The following STK31 variants were observed in gnomAD, a reference collection of about 807,000 sequenced individuals.
STK31 encodes the protein serine/threonine-protein kinase 31.
In STK31, 89 loss-of-function variants were observed where a neutral mutation model predicts 129.7. The observed-to-expected ratio is 0.69, with a 90% confidence interval of 0.58 to 0.82. The LOEUF (loss-of-function observed/expected upper bound fraction) is 0.82. STK31 is among the 40% of genes least tolerant of loss of function. STK31 has a pLI of 0.00. For synonymous variants in STK31, 448 were observed against 395.3 expected, an observed-to-expected ratio of 1.13 and a Z score of -1.58; for missense variants, 1,187 against 1,176.4, an observed-to-expected ratio of 1.01 and a Z score of -0.13.
intron 7 of STK31, 38 bp from the exon 8 acceptor site, chr7:23,736,864 TAC>T (rs763219375): frequency 6.4e-7 from 1 of 1,550,884 alleles, no homozygotes. Flanking sequence ...GTCAGCCTTA[TAC>T]AGTTTGTTTG....
At chr7:23,825,367 T>A (rs750286041) in intron 23 of STK31, among the ~76,000 whole-genome samples, 10 of 152,258 alleles carry the variant, frequency 6.6e-5, no homozygotes, top group Non-Finnish European at 8.8e-5. Flanking sequence ...TTCTTCTAGA[T>A]TTTCTAGTTT....
rs182655675 is a variant in STK31 at position 23,737,770 on chromosome 7, G to A, written c.1017+692G>A. Among the ~76,000 whole-genome samples the A allele has an allele frequency of 3.4e-3, 521 of 152,120 alleles. 5 individuals carry two copies. The highest frequency in any genetic ancestry group is 0.011 in the African/African-American group (460 of 41,502). ...GCTTAACTGGATTCTTGATCTCCACGTGTGTCTTCTTTTATGGTAATCACG... is the reference window on the plus strand; with the variant it reads ...GCTTAACTGGATTCTTGATCTCCACATGTGTCTTCTTTTATGGTAATCACG... On this transcript the variant is annotated intron_variant, in intron 8 of 23. Coordinates refer to ENST00000355870, the MANE Select transcript of STK31 (RefSeq NM_031414.5).
chr7:23,757,479 A>G (rs1428524723), intron 10 of STK31, among the ~76,000 whole-genome samples: 1 of 152,110 alleles, frequency 6.6e-6, no homozygotes, highest in Non-Finnish European at 1.5e-5. Context: ...AAACATGTGA[A>G]CAAATGTCTC....
intron 15 of STK31, among the ~76,000 whole-genome samples, chr7:23,778,228 T>C (rs982530618): frequency 1.3e-5 from 2 of 152,212 alleles, no homozygotes; most frequent in Non-Finnish European, 2.9e-5. Flanking sequence ...TGGGCTTCCC[T>C]TTGTGAGTAA....
intron 23 of STK31, among the ~76,000 whole-genome samples, chr7:23,824,671 G>C (rs1239230217): frequency 1.3e-5 from 2 of 152,144 alleles, no homozygotes; most frequent in Non-Finnish European, 2.9e-5. Flanking sequence ...TCCCTGTCTT[G>C]TGCCAGTTTT....
chr7:23,829,113 G>T (rs753758786), intron 23 of STK31, among the ~76,000 whole-genome samples: 2 of 150,594 alleles, frequency 1.3e-5, no homozygotes, highest in South Asian at 2.1e-4. Context: ...GTTTCACTGT[G>T]TTGGTCAGGC....
chr7:23,726,772 C>A (rs537065635), intron 4 of STK31, among the ~76,000 whole-genome samples: 2 of 151,920 alleles, frequency 1.3e-5, no homozygotes, highest in Non-Finnish European at 2.9e-5. Flanking sequence ...TGTCCTTATA[C>A]GTAAAGTAAA....
At chr7:23,721,744 A>G (rs977071079) in intron 4 of STK31, 3 of 739,652 alleles carry the variant, frequency 4.1e-6, no homozygotes, top group African/African-American at 3.5e-5. Context: ...ATGACACAAT[A>G]AGGATATTTT....
chr7:23,735,069 G>A (rs978035611), intron 6 of STK31, among the ~76,000 whole-genome samples: 1 of 152,074 alleles, frequency 6.6e-6, no homozygotes, highest in Non-Finnish European at 1.5e-5. Context: ...TTGTGCTTTC[G>A]GTTTGTGGCT....
intron 22 of STK31, among the ~76,000 whole-genome samples, chr7:23,808,982 T>TGTGTGTGTGTGTGTGCGCGCGCC (rs1230870285): frequency 6.7e-6 from 1 of 149,272 alleles, no homozygotes; most frequent in African/African-American, 2.5e-5. Flanking sequence ...CCTGTGTCTG[T>TGTGTGTGTGTGTGTGCGCGCGCC]TGGCATTTCT....
At chr7:23,718,414 G>A (rs951563194) in intron 4 of STK31, among the ~76,000 whole-genome samples, 7 of 152,012 alleles carry the variant, frequency 4.6e-5, no homozygotes, top group African/African-American at 1.2e-4. Context: ...GAGTTTTTAC[G>A]TGTGTATGTA....
chr7:23,787,371 A>G (rs1791347166), intron 20 of STK31, among the ~76,000 whole-genome samples: 1 of 152,126 alleles, frequency 6.6e-6, no homozygotes, highest in Non-Finnish European at 1.5e-5. Flanking sequence ...GCTACTTTAC[A>G]TGGTTGGTAT....
intron 8 of STK31, among the ~76,000 whole-genome samples, chr7:23,741,640 T>C (rs1194608448): frequency 3.3e-5 from 5 of 152,216 alleles, no homozygotes; most frequent in Admixed American, 1.3e-4. Flanking sequence ...CTAGAATGTC[T>C]GCTGTGGCTA....
intron 22 of STK31, among the ~76,000 whole-genome samples, chr7:23,808,499 A>G (rs987475836): frequency 3.9e-5 from 6 of 152,026 alleles, no homozygotes; most frequent in Middle Eastern, 3.2e-3. Context: ...GGAGTGGGCA[A>G]TGAAAAACTG....
At chr7:23,715,790 G>A (rs1786280518) in intron 3 of STK31, among the ~76,000 whole-genome samples, 1 of 151,842 alleles carries the variant, frequency 6.6e-6, no homozygotes, top group Non-Finnish European at 1.5e-5. Flanking sequence ...TTTTTTTTCA[G>A]TCATCACGGA....
intron 15 of STK31, among the ~76,000 whole-genome samples, chr7:23,777,935 G>C (rs894291946): frequency 4.6e-5 from 7 of 152,098 alleles, no homozygotes; most frequent in African/African-American, 1.7e-4. Flanking sequence ...TAGTGTCGAC[G>C]GTCTTTACAA....
In STK31 at chr7:23,762,893, A is replaced by C. The variant is rs1447520739; in HGVS notation, c.1386A>C (p.Ser462=). The C allele has an allele frequency of 6.2e-7, 1 of 1,603,380 alleles. No homozygotes were observed. Residue 462 remains serine, a synonymous_variant, in exon 11 of 24, where the codon TCA becomes TCC. Transcript: ENST00000355870. ...VEDFILEVDE[S]SLNKRLKTLQ... is the part of the protein sequence containing the mutation. Reference sequence around the variant, plus strand: ...ATTTTATTCTGGAAGTTGATGAGTCATCTCTTAATAAACGCTTAAAAACAT... The same window carrying C: ...ATTTTATTCTGGAAGTTGATGAGTCCTCTCTTAATAAACGCTTAAAAACAT...
chr7:23,800,125 ATTG>A (rs1792273591), intron 22 of STK31, among the ~76,000 whole-genome samples: 1 of 152,182 alleles, frequency 6.6e-6, no homozygotes, highest in Non-Finnish European at 1.5e-5. Flanking sequence ...AACGCTTTAC[ATTG>A]TTGGTGGGAG....
At chr7:23,743,984 A>G (rs920168335) in intron 8 of STK31, among the ~76,000 whole-genome samples, 5 of 151,998 alleles carry the variant, frequency 3.3e-5, no homozygotes, top group Middle Eastern at 3.2e-3. Context: ...CAGTGGCACA[A>G]TCACAGCTCA....
Sources: gnomAD v4.1 joint callset for allele counts (sites outside exome capture counted in the v4.1 genomes callset) on GRCh38, gnomAD v4.1.1 for gene constraint, MANE v1.5 for transcripts, NCBI Gene and HGNC (gene_info 2026-07-23, HGNC 2026-07-21) for gene names.